The following EPB41L4A variants were observed in gnomAD, a reference collection of about 807,000 sequenced individuals.
EPB41L4A encodes erythrocyte membrane protein band 4.1 like 4A.
In EPB41L4A, 100 loss-of-function variants were observed where a neutral mutation model predicts 108.6. The ratio of observed to expected loss-of-function variants is 0.92; its 90% CI spans 0.78 to 1.09. The LOEUF (loss-of-function observed/expected upper bound fraction) is 1.09. EPB41L4A is among the 50% of genes least tolerant of loss of function. The pLI, the probability that EPB41L4A is intolerant of heterozygous loss-of-function variation, is 0.00. For synonymous variants in EPB41L4A, 319 were observed against 289.0 expected (o/e 1.10, Z -1.05); for missense variants, 1,030 against 842.7 (o/e 1.22, Z -2.75).
intron 17 of EPB41L4A, 126 bp downstream of exon 17, chr5:112,194,442 A>G (rs1163379605): frequency 7.1e-6 from 4 of 566,814 alleles, no homozygotes; most frequent in Admixed American, 3.6e-5. Flanking sequence ...AAGTGCTTCA[A>G]AATAGTGCCA....
chr5:112,300,445 T>C (rs1481394291), intron 2 of EPB41L4A, among the ~76,000 whole-genome samples: 1 of 152,196 alleles, frequency 6.6e-6, no homozygotes, highest in Non-Finnish European at 1.5e-5. Flanking sequence ...GGCTGATAAT[T>C]GTTTTGTTTA....
chr5:112,390,086 G>A (rs368436984), intron 1 of EPB41L4A, among the ~76,000 whole-genome samples: 15 of 152,218 alleles, frequency 9.9e-5, no homozygotes, highest in African/African-American at 3.6e-4. Flanking sequence ...GAAGTAAGAT[G>A]GCTGAATAGG....
At chr5:112,147,406 G>C (rs765860287) in intron 12 of EPB41L4A, among the ~76,000 whole-genome samples, 1 of 151,740 alleles carries the variant, frequency 6.6e-6, no homozygotes, top group South Asian at 2.1e-4. Flanking sequence ...TTGGGAGGCC[G>C]AGGCAGGCGG....
At chr5:112,174,489 C>T (rs1196039853) in intron 18 of EPB41L4A, among the ~76,000 whole-genome samples, 3 of 152,160 alleles carry the variant, frequency 2.0e-5, no homozygotes, top group Non-Finnish European at 4.4e-5. Flanking sequence ...TTTTCAAAAG[C>T]ATCCCTCCTC....
intron 1 of EPB41L4A, among the ~76,000 whole-genome samples, chr5:112,332,988 G>T (rs936917570): frequency 6.6e-6 from 1 of 152,230 alleles, no homozygotes; most frequent in African/African-American, 2.4e-5. Context: ...AAAGAAGAGA[G>T]AAATGGTGGG....
At chr5:112,293,428 T>C (rs1193584632) in intron 2 of EPB41L4A, among the ~76,000 whole-genome samples, 1 of 152,066 alleles carries the variant, frequency 6.6e-6, no homozygotes, top group Non-Finnish European at 1.5e-5. Context: ...CAAAGAAAAC[T>C]TTCTCTCCAA....
chr5:112,361,331 A>G (rs1758742725), intron 1 of EPB41L4A, among the ~76,000 whole-genome samples: 1 of 152,206 alleles, frequency 6.6e-6, no homozygotes, highest in Non-Finnish European at 1.5e-5. Context: ...CATGCTCGTT[A>G]AGAGTCATCA....
At chr5:112,339,542 A>ATATATAT (rs371198329) in intron 1 of EPB41L4A, among the ~76,000 whole-genome samples, 2 of 110,672 alleles carry the variant, frequency 1.8e-5, no homozygotes, top group Admixed American at 1.2e-4. Context: ...ATATATATAT[A>ATATATAT]TTTTTTTTTT....
intron 1 of EPB41L4A, among the ~76,000 whole-genome samples, chr5:112,395,950 G>C (rs562933916): frequency 1.5e-3 from 232 of 152,198 alleles, no homozygotes; most frequent in African/African-American, 5.3e-3. Flanking sequence ...TCCTTTGTAG[G>C]GACATAAATG....
At chr5:112,186,277 A>G (rs559372232) in intron 17 of EPB41L4A, among the ~76,000 whole-genome samples, 3 of 152,212 alleles carry the variant, frequency 2.0e-5, no homozygotes, top group Non-Finnish European at 4.4e-5. Context: ...GGGCAAACAC[A>G]TACTTTTCCT....
At chr5:112,165,285 C>T (rs1760175790) in intron 22 of EPB41L4A, among the ~76,000 whole-genome samples, 167 bp from the exon 23 acceptor site, 1 of 152,116 alleles carries the variant, frequency 6.6e-6, no homozygotes, top group Non-Finnish European at 1.5e-5. Flanking sequence ...AATAGCTGTG[C>T]AAAATAAAGT....
chr5:112,171,440 G>T lies in EPB41L4A; in HGVS notation c.1623-448C>A, dbSNP rs1760576407. Among the ~76,000 whole-genome samples the T allele has an allele frequency of 2.0e-5, 3 of 152,222 alleles. No individual in the cohort carries two copies. The South Asian group carries it at 6.2e-4, about 31-fold the overall frequency. On this transcript the variant is annotated intron_variant, in intron 18 of 22. Coordinates refer to ENST00000261486, the MANE Select transcript of EPB41L4A (RefSeq NM_022140.5). ...AAAGGAAAAAGCAACTGGTGGGATG[G>T]CCCTGATGGCAGACTGTACCAATGA... is the stretch of plus-strand genomic sequence containing the variant.
chr5:112,214,990 T>TA (rs1747512176), intron 12 of EPB41L4A, among the ~76,000 whole-genome samples: 1 of 152,142 alleles, frequency 6.6e-6, no homozygotes, highest in Non-Finnish European at 1.5e-5. Flanking sequence ...AAAATCTTAA[T>TA]AAAATGAAGG....
At chr5:112,399,870 C>T (rs1324978512) in intron 1 of EPB41L4A, among the ~76,000 whole-genome samples, 1 of 152,194 alleles carries the variant, frequency 6.6e-6, no homozygotes, top group East Asian at 1.9e-4. Flanking sequence ...TTTGACTAAT[C>T]CTTCAAAGTC....
At chr5:112,394,040 C>A (rs1761154365) in intron 1 of EPB41L4A, among the ~76,000 whole-genome samples, 2 of 152,250 alleles carry the variant, frequency 1.3e-5, no homozygotes, top group Admixed American at 6.5e-5. Flanking sequence ...AATTCAACAG[C>A]CCTTCATGCC....
At chr5:112,307,734 T>C (rs551337301) in intron 1 of EPB41L4A, among the ~76,000 whole-genome samples, 1 of 105,992 alleles carries the variant, frequency 9.4e-6, no homozygotes, top group Admixed American at 8.2e-5. Flanking sequence ...TAATATAAGC[T>C]TCTTTCTTCT....
At chr5:112,207,923 T>C (rs1214964443) in intron 13 of EPB41L4A, among the ~76,000 whole-genome samples, 1 of 152,132 alleles carries the variant, frequency 6.6e-6, no homozygotes, top group Non-Finnish European at 1.5e-5. Context: ...CTACTGGATA[T>C]ATACTCAAAG....
chr5:112,250,598 A>G (rs1750591503), intron 9 of EPB41L4A: 1 of 152,204 alleles, frequency 6.6e-6, no homozygotes, highest in African/African-American at 2.4e-5. Context: ...ACCTACTGAC[A>G]ATCAAATTTT....
intron 1 of EPB41L4A, among the ~76,000 whole-genome samples, chr5:112,376,481 A>G (rs934614222): frequency 1.3e-5 from 2 of 152,220 alleles, no homozygotes; most frequent in African/African-American, 2.4e-5. Flanking sequence ...GCGGTTTCTT[A>G]AGAAATTAAA....
Sources: gnomAD v4.1 joint callset for allele counts (sites outside exome capture counted in the v4.1 genomes callset) on GRCh38, gnomAD v4.1.1 for gene constraint, MANE v1.5 for transcripts, NCBI Gene and HGNC (gene_info 2026-07-23, HGNC 2026-07-21) for gene names.